Variants in TMEM178B observed in about 807,000 individuals in gnomAD.
TMEM178B encodes transmembrane protein 178B.
A neutral mutation model predicts 31.0 loss-of-function variants in TMEM178B; 5 were observed. The observed-to-expected ratio is 0.16, with a 90% CI of 0.08 to 0.34. The LOEUF is 0.34. TMEM178B is among the 10% of genes least tolerant of loss of function. TMEM178B has a pLI of 1.00. For missense variants in TMEM178B, 275 were observed against 400.3 expected, an observed-to-expected ratio of 0.69 and a Z score of 2.67; for synonymous variants, 164 against 164.0, an observed-to-expected ratio of 1.00 and a Z score of 0.00.
At chr7:141,389,406 T>C (rs1023789340) in intron 2 of TMEM178B, among the ~76,000 whole-genome samples, 20 of 152,174 alleles carry the variant, frequency 1.3e-4, no homozygotes, top group African/African-American at 4.8e-4. Flanking sequence ...AACTGGGTCA[T>C]ATCCAGGCCT....
chr7:141,405,540 T>C (rs376437925), intron 2 of TMEM178B, among the ~76,000 whole-genome samples: 231 of 152,358 alleles, frequency 1.5e-3, no homozygotes, highest in African/African-American at 5.4e-3. Context: ...AACTAACTTA[T>C]ATAAAAGTTC....
At chr7:141,316,552 C>T (rs1799008051) in intron 2 of TMEM178B, among the ~76,000 whole-genome samples, 1 of 150,680 alleles carries the variant, frequency 6.6e-6, no homozygotes, top group Non-Finnish European at 1.5e-5. Flanking sequence ...CTCTGGACTG[C>T]TGTGTGTGTG....
chr7:141,362,774 A>T (rs1484198243), intron 2 of TMEM178B, among the ~76,000 whole-genome samples: 1 of 152,216 alleles, frequency 6.6e-6, no homozygotes, highest in Non-Finnish European at 1.5e-5. Flanking sequence ...TCAGCTGGGC[A>T]GAGATGCAAT....
intron 1 of TMEM178B, among the ~76,000 whole-genome samples, chr7:141,192,323 C>T (rs1052079617): frequency 8.6e-5 from 13 of 151,864 alleles, no homozygotes; most frequent in African/African-American, 7.3e-5. Context: ...AGATAAGGAC[C>T]GTCAGGGTGT....
chr7:141,337,440 A>G (rs1799444275), intron 2 of TMEM178B, among the ~76,000 whole-genome samples: 1 of 152,054 alleles, frequency 6.6e-6, no homozygotes. Context: ...GCCAAGTGCT[A>G]TTGTAAATGC....
intron 2 of TMEM178B, among the ~76,000 whole-genome samples, chr7:141,223,752 G>C (rs1357276056): frequency 6.6e-6 from 1 of 152,042 alleles, no homozygotes; most frequent in Non-Finnish European, 1.5e-5. Context: ...AACCTTCCTA[G>C]GTCCTTTACA....
intron 1 of TMEM178B, among the ~76,000 whole-genome samples, chr7:141,168,400 G>C (rs533230917): frequency 1.3e-5 from 2 of 152,176 alleles, no homozygotes; most frequent in Admixed American, 1.3e-4. Flanking sequence ...ACTTGGCATT[G>C]GGGATTGTAA....
intron 2 of TMEM178B, among the ~76,000 whole-genome samples, chr7:141,337,380 C>T (rs1772970030): frequency 6.6e-6 from 1 of 150,484 alleles, no homozygotes; most frequent in Non-Finnish European, 1.5e-5. Context: ...ACTGCCACTA[C>T]CACCATCTCC....
intron 2 of TMEM178B, among the ~76,000 whole-genome samples, chr7:141,332,306 T>C (rs1036583323): frequency 6.6e-6 from 1 of 152,184 alleles, no homozygotes; most frequent in African/African-American, 2.4e-5. Context: ...AATATACTTA[T>C]AAACAAAAGG....
At chr7:141,504,235 C>T in the TMEM178B span, among the ~76,000 whole-genome samples, 1 of 151,994 alleles carries the variant, frequency 6.6e-6, no homozygotes, top group African/African-American at 2.4e-5. Flanking sequence ...ATTTTTAAAC[C>T]CCAAGCTTTT....
rs181516480 is a variant in TMEM178B at position 141,362,396 on chromosome 7, G to A, written c.497-75212G>A. ...GAAGTGTACAGACAAGTTGCCTGCA[G>A]CCTGATCATCTCTCATGCTTCATAG... On this transcript the variant is annotated intron_variant, in intron 2 of 3. Transcript: ENST00000565468. Among the ~76,000 whole-genome samples the A allele has an allele frequency of 2.5e-3, 387 of 152,318 alleles. 3 individuals carry two copies. The highest frequency in any genetic ancestry group is 8.5e-3 in the African/African-American group (352 of 41,576).
At chr7:141,173,743 G>A (rs1476675933) in intron 1 of TMEM178B, among the ~76,000 whole-genome samples, 1 of 152,122 alleles carries the variant, frequency 6.6e-6, no homozygotes, top group Non-Finnish European at 1.5e-5. Context: ...GCCATGGGTG[G>A]GGGAGGATTA....
At chr7:141,093,089 G>GA in intron 1 of TMEM178B, among the ~76,000 whole-genome samples, 1 of 152,310 alleles carries the variant, frequency 6.6e-6, no homozygotes, top group Non-Finnish European at 1.5e-5. Flanking sequence ...AGGATTTTGA[G>GA]AAGAGGAGCG....
At chr7:141,454,408 C>T (rs558307475) in intron 3 of TMEM178B, among the ~76,000 whole-genome samples, 240 of 152,264 alleles carry the variant, frequency 1.6e-3, no homozygotes, top group Middle Eastern at 6.8e-3. Flanking sequence ...AAGCCAAGCA[C>T]GTGGGGCCCA....
intron 1 of TMEM178B, among the ~76,000 whole-genome samples, chr7:141,140,071 T>C (rs112235406): frequency 0.06 from 9,087 of 152,134 alleles, 928 homozygotes; most frequent in African/African-American, 0.21. Flanking sequence ...CGGCCAGAGG[T>C]TCTTCTCCTT....
intron 1 of TMEM178B, among the ~76,000 whole-genome samples, chr7:141,081,926 G>A (rs1794693206): frequency 6.6e-6 from 1 of 152,138 alleles, no homozygotes; most frequent in South Asian, 2.1e-4. Flanking sequence ...AGTCTCCACA[G>A]GTGTATCATT....
intron 2 of TMEM178B, among the ~76,000 whole-genome samples, chr7:141,213,884 G>A (rs1797087710): frequency 6.6e-6 from 1 of 152,184 alleles, no homozygotes; most frequent in African/African-American, 2.4e-5. Context: ...GATAGAGCAG[G>A]TGCCAATGGA....
At chr7:141,332,599 C>A (rs189559781) in intron 2 of TMEM178B, among the ~76,000 whole-genome samples, 1 of 152,328 alleles carries the variant, frequency 6.6e-6, no homozygotes, top group East Asian at 1.9e-4. Context: ...AGCATCTCTT[C>A]CAGATATTGT....
At chr7:141,260,727 A>T (rs1252690351) in intron 2 of TMEM178B, among the ~76,000 whole-genome samples, 15 of 152,224 alleles carry the variant, frequency 9.9e-5, no homozygotes, top group African/African-American at 2.4e-5. Flanking sequence ...TAAGTAATTT[A>T]AAAAAACATT....
Sources: allele counts gnomAD v4.1 joint callset (sites outside exome capture counted in the v4.1 genomes callset), GRCh38; gene constraint gnomAD v4.1.1; transcripts MANE v1.5; gene names NCBI Gene and HGNC (gene_info 2026-07-23, HGNC 2026-07-21).